ARHGAP24: variants seen among roughly 807,000 people sequenced by gnomAD.
ARHGAP24 encodes the protein Rho GTPase activating protein 24.
In ARHGAP24, 50 loss-of-function variants were observed where a neutral mutation model predicts 76.4. The observed-to-expected ratio is 0.65, with a 90% confidence interval of 0.52 to 0.83. ARHGAP24 has a LOEUF of 0.83. ARHGAP24 is among the 40% of genes least tolerant of loss of function. The pLI is 0.00. For missense variants in ARHGAP24, 930 were observed against 914.2 expected (o/e 1.02, Z -0.22); for synonymous variants, 345 against 323.3 (o/e 1.07, Z -0.72).
chr4:85,677,146 T>A (rs79851419), intron 2 of ARHGAP24, among the ~76,000 whole-genome samples: 2,094 of 152,308 alleles, frequency 0.014, 58 homozygotes, highest in African/African-American at 0.048. Context: ...TAAATAAAGG[T>A]CATTAGCAAC....
chr4:85,530,640 T>G (rs1441719884), intron 1 of ARHGAP24, among the ~76,000 whole-genome samples: 2 of 152,072 alleles, frequency 1.3e-5, no homozygotes, highest in African/African-American at 4.8e-5. Context: ...TATGTAATAT[T>G]TCAGTGCCCA....
chr4:85,521,756 T>C (rs1724763745), intron 1 of ARHGAP24, among the ~76,000 whole-genome samples: 1 of 152,202 alleles, frequency 6.6e-6, no homozygotes, highest in Non-Finnish European at 1.5e-5. Flanking sequence ...GTTACAAGCA[T>C]AGTACATATT....
intron 1 of ARHGAP24, among the ~76,000 whole-genome samples, chr4:85,541,225 C>T (rs1725681857): frequency 1.8e-5 from 2 of 109,260 alleles, no homozygotes; most frequent in South Asian, 5.3e-4. Context: ...GGTATCTCGG[C>T]TCACTGCAAG....
At chr4:85,907,784 T>G (rs1371593787) in intron 3 of ARHGAP24, among the ~76,000 whole-genome samples, 3 of 152,208 alleles carry the variant, frequency 2.0e-5, no homozygotes, top group African/African-American at 2.4e-5. Flanking sequence ...GTTTGGTGCC[T>G]GCCATATATT....
rs377269441 is a variant in ARHGAP24 at position 85,570,564 on chromosome 4, C to T, written c.23C>T (p.Thr8Met). The T allele has an allele frequency of 1.9e-5, 31 of 1,613,910 alleles. No individual in the cohort carries two copies. The African/African-American group carries it at 2.3e-4, about 12-fold the overall frequency. The change falls in exon 2 of 10, where the codon ACG becomes ATG. Residue 8 changes from threonine (T) to methionine (M), a missense_variant. By Grantham distance (81) the Thr-to-Met change is moderately conservative. Coordinates refer to ENST00000395184, the MANE Select transcript of ARHGAP24 (RefSeq NM_001025616.3). ...ATAATGGAGGAGAACAATGACTCCA[C>T]GGAGAACCCCCAACAAGGCCAAGGG... MEENNDS[T>M]ENPQQGQGRQ...
chr4:85,675,998 G>T (rs1013943007), intron 2 of ARHGAP24, among the ~76,000 whole-genome samples: 1 of 151,956 alleles, frequency 6.6e-6, no homozygotes, highest in Admixed American at 6.6e-5. Flanking sequence ...AAAGTTTCCT[G>T]GAAGATAACA....
intron 3 of ARHGAP24, chr4:85,778,997 T>A (rs1727419232): frequency 7.1e-6 from 7 of 985,406 alleles, no homozygotes; most frequent in Non-Finnish European, 8.4e-6. Context: ...ATCTTCAGGG[T>A]TCATTTGTTT....
chr4:85,814,612 T>C (rs1193242047), intron 3 of ARHGAP24, among the ~76,000 whole-genome samples: 1 of 152,116 alleles, frequency 6.6e-6, no homozygotes, highest in Non-Finnish European at 1.5e-5. Context: ...GTTCCCAGGG[T>C]CTTGGGCAGC....
At chr4:85,557,927 C>G (rs1726453629) in intron 1 of ARHGAP24, among the ~76,000 whole-genome samples, 1 of 152,178 alleles carries the variant, frequency 6.6e-6, no homozygotes, top group Non-Finnish European at 1.5e-5. Flanking sequence ...GAATCATTCC[C>G]TTTCCTCAGG....
chr4:86,000,762 A>C lies in ARHGAP24; in HGVS notation c.*40A>C. 6.2e-7 allele frequency: 1 copy of C among 1,612,284 alleles called. No homozygotes were observed. The highest frequency in any genetic ancestry group is 8.5e-7 in the Non-Finnish European group (1 of 1,179,054). ...GCTGTCTCTGATGGCTCTGGCAAGG[A>C]CTCCAGGGATTCTGGTGGGATATGA... On this transcript the variant is annotated 3_prime_UTR_variant, in exon 10 of 10. Coordinates refer to ENST00000395184, the MANE Select transcript of ARHGAP24 (RefSeq NM_001025616.3).
At chr4:85,987,805 T>A (rs1022386106) in intron 8 of ARHGAP24, among the ~76,000 whole-genome samples, 1 of 151,792 alleles carries the variant, frequency 6.6e-6, no homozygotes, top group Admixed American at 6.6e-5. Flanking sequence ...TTCACAGAAT[T>A]GATGAAAATT....
intron 1 of ARHGAP24, among the ~76,000 whole-genome samples, chr4:85,498,040 A>G (rs1723649871): frequency 6.6e-6 from 1 of 152,202 alleles, no homozygotes; most frequent in Admixed American, 6.5e-5. Context: ...TGGTTAATAA[A>G]AAGTGTAGAG....
chr4:85,876,044 G>A (rs899754992), intron 3 of ARHGAP24, among the ~76,000 whole-genome samples: 2 of 151,976 alleles, frequency 1.3e-5, no homozygotes, highest in African/African-American at 4.8e-5. Context: ...CACTCAGCTG[G>A]AATAGATATA....
chr4:85,545,448 A>G (rs1478186747), intron 1 of ARHGAP24, among the ~76,000 whole-genome samples: 1 of 152,108 alleles, frequency 6.6e-6, no homozygotes, highest in East Asian at 1.9e-4. Context: ...TTTCATTGCT[A>G]ATTTTCTCTT....
chr4:85,550,239 G>A (rs1726075584), intron 1 of ARHGAP24, among the ~76,000 whole-genome samples: 1 of 152,200 alleles, frequency 6.6e-6, no homozygotes, highest in South Asian at 2.1e-4. Flanking sequence ...TATAAGGAAA[G>A]GGTCCAGTTT....
At chr4:85,840,017 CTTTTTTTT>C (rs70948759) in intron 3 of ARHGAP24, among the ~76,000 whole-genome samples, 4 of 116,030 alleles carry the variant, frequency 3.4e-5, no homozygotes, top group Non-Finnish European at 5.2e-5. Flanking sequence ...GCCTGGCTAA[CTTTTTTTT>C]TTTTTTTTTT....
At chr4:85,750,245 T>C (rs1187026138) in intron 3 of ARHGAP24, among the ~76,000 whole-genome samples, 1 of 152,124 alleles carries the variant, frequency 6.6e-6, no homozygotes, top group Non-Finnish European at 1.5e-5. Flanking sequence ...GGAGTTGTGA[T>C]ATGGAGTGAT....
chr4:85,666,602 A>T (rs1309515372), intron 2 of ARHGAP24, among the ~76,000 whole-genome samples: 2 of 152,050 alleles, frequency 1.3e-5, no homozygotes, highest in Non-Finnish European at 2.9e-5. Context: ...TTTTCTGCTC[A>T]GTTTTTTCCC....
intron 2 of ARHGAP24, among the ~76,000 whole-genome samples, chr4:85,630,880 T>C (rs1182837193): frequency 6.6e-6 from 1 of 152,144 alleles, no homozygotes; most frequent in African/African-American, 2.4e-5. Flanking sequence ...TTATAGGAGC[T>C]TTTGATGTAT....
Sources: allele counts gnomAD v4.1 joint callset (sites outside exome capture counted in the v4.1 genomes callset), GRCh38; gene constraint gnomAD v4.1.1; transcripts MANE v1.5; gene names NCBI Gene and HGNC (gene_info 2026-07-23, HGNC 2026-07-21).